ROCK2: variants seen among roughly 807,000 people sequenced by gnomAD.
ROCK2 encodes rho-associated protein kinase 2.
A neutral mutation model predicts 195.1 loss-of-function variants in ROCK2; 61 were observed. The observed-to-expected ratio is 0.31, with a 90% CI of 0.25 to 0.39. The LOEUF is 0.39. Ranked by LOEUF, ROCK2 falls within the 10% of genes least tolerant of loss-of-function variation. The probability of loss-of-function intolerance (pLI) is 1.00; values close to 1 mark genes in which losing one functional copy is unlikely to be tolerated. For synonymous variants in ROCK2, 504 were observed against 545.5 expected, an observed-to-expected ratio of 0.92 and a Z score of 1.06; for missense variants, 1,109 against 1,637.4, an observed-to-expected ratio of 0.68 and a Z score of 5.57.
intron 3 of ROCK2, among the ~76,000 whole-genome samples, chr2:11,274,376 C>CAAA (rs2148171867): frequency 6.6e-6 from 1 of 151,872 alleles, no homozygotes; most frequent in South Asian, 2.1e-4. Flanking sequence ...GCTAGATGGA[C>CAAA]TAATTAAAAA....
intron 3 of ROCK2, among the ~76,000 whole-genome samples, chr2:11,270,184 T>C (rs1481900895): frequency 2.0e-5 from 3 of 152,188 alleles, no homozygotes; most frequent in African/African-American, 7.2e-5. Context: ...CCACTCTTTT[T>C]GCTTGCATGG....
intron 1 of ROCK2, among the ~76,000 whole-genome samples, chr2:11,337,601 T>C (rs1668970981): frequency 6.6e-6 from 1 of 151,850 alleles, no homozygotes; most frequent in African/African-American, 2.4e-5. Context: ...GAGTATAAAA[T>C]GGTATAACTA....
chr2:11,207,201 T>C (rs1664084877), intron 20 of ROCK2, among the ~76,000 whole-genome samples: 1 of 152,210 alleles, frequency 6.6e-6, no homozygotes, highest in Non-Finnish European at 1.5e-5. Flanking sequence ...GTGATTCTCC[T>C]GCCTCAGCTC....
intron 1 of ROCK2, among the ~76,000 whole-genome samples, chr2:11,335,564 A>G (rs978175122): frequency 6.6e-6 from 1 of 152,260 alleles, no homozygotes; most frequent in African/African-American, 2.4e-5. Flanking sequence ...ATTTTCATGA[A>G]GAAATTCAAG....
intron 3 of ROCK2, among the ~76,000 whole-genome samples, chr2:11,263,483 CCTGA>C (rs1041765680): frequency 3.3e-5 from 5 of 151,902 alleles, no homozygotes; most frequent in Admixed American, 1.3e-4. Context: ...AAACTGTGTT[CCTGA>C]CTAAGTAAGA....
chr2:11,291,324 C>T (rs1295246068), intron 1 of ROCK2, among the ~76,000 whole-genome samples: 12 of 152,132 alleles, frequency 7.9e-5, no homozygotes, highest in African/African-American at 1.2e-4. Context: ...CCGAGGCGGG[C>T]GCATCGCCTG....
At chr2:11,322,729 T>C (rs557211792) in intron 1 of ROCK2, among the ~76,000 whole-genome samples, 14 of 152,202 alleles carry the variant, frequency 9.2e-5, no homozygotes, top group Non-Finnish European at 1.3e-4. Context: ...ATTTTATATG[T>C]GGTAGAAAGT....
intron 1 of ROCK2, among the ~76,000 whole-genome samples, chr2:11,310,472 T>A (rs1207645412): frequency 1.3e-5 from 2 of 152,180 alleles, no homozygotes; most frequent in African/African-American, 4.8e-5. Flanking sequence ...ACTGAGAGAA[T>A]TCCTGGCGTA....
At chr2:11,297,526 G>A (rs942297378) in intron 1 of ROCK2, among the ~76,000 whole-genome samples, 5 of 151,690 alleles carry the variant, frequency 3.3e-5, no homozygotes, top group East Asian at 1.9e-4. Context: ...TTCACTATTC[G>A]CCGCCTCCTA....
chr2:11,214,544 CCTT>C (rs1432760049), intron 16 of ROCK2, 81 bp from the exon 17 acceptor site: 1 of 823,450 alleles, frequency 1.2e-6, no homozygotes, highest in Non-Finnish European at 1.9e-6. Flanking sequence ...TTGCAAGCCA[CCTT>C]CTATTTTGGA....
chr2:11,196,662 G>C (rs912505498), intron 27 of ROCK2, among the ~76,000 whole-genome samples: 23 of 152,200 alleles, frequency 1.5e-4, no homozygotes, highest in African/African-American at 4.8e-4. Context: ...AAACTCCAAA[G>C]ATGAGAAGAT....
In ROCK2 at chr2:11,221,372, GAAAT is replaced by G; in HGVS notation, c.1100-19_1100-16del. The G allele has an allele frequency of 6.6e-7, 1 of 1,512,940 alleles. No individual in the cohort carries two copies. The highest frequency in any genetic ancestry group is 8.8e-7 in the Non-Finnish European group (1 of 1,141,280). 93.7% of individuals were successfully genotyped at this position (1,512,940 alleles called of 1,614,324 possible). ...AGGAGCTGCCGCTATTAAAAGAAAA[GAAAT>G]AAATTATTTCATTCACAACCAAAAT... On this transcript the variant is annotated splice_polypyrimidine_tract_variant and intron_variant, in intron 8 of 32. Coordinates refer to ENST00000315872, the MANE Select transcript of ROCK2 (RefSeq NM_004850.5).
intron 3 of ROCK2, among the ~76,000 whole-genome samples, chr2:11,269,633 T>G (rs1666554134): frequency 6.6e-6 from 1 of 152,244 alleles, no homozygotes; most frequent in Non-Finnish European, 1.5e-5. Context: ...TTTTCCTGTT[T>G]CTTCGGATAT....
chr2:11,243,117 G>A (rs1164053868), intron 4 of ROCK2, among the ~76,000 whole-genome samples: 3 of 152,198 alleles, frequency 2.0e-5, no homozygotes, highest in African/African-American at 7.2e-5. Context: ...AGGTTGAGGA[G>A]TCAAGGGAAG....
At chr2:11,218,748 C>A (rs1339454321) in intron 10 of ROCK2, among the ~76,000 whole-genome samples, 1 of 152,162 alleles carries the variant, frequency 6.6e-6, no homozygotes, top group Non-Finnish European at 1.5e-5. Flanking sequence ...AAGCCTAAAG[C>A]CATGTAGAAG....
In ROCK2 at chr2:11,215,416, T is replaced by C; in HGVS notation, c.1598-4A>G. On this transcript the variant is annotated splice_polypyrimidine_tract_variant and splice_region_variant and intron_variant, in intron 14 of 32. Transcript: ENST00000315872. ...AGTTGATCTTTTAAGCTGTTAACTA[T>C]GATAAAAAGCATTTCAGTGGCAAGC... is the stretch of plus-strand genomic sequence containing the variant. 4 of 1,604,136 alleles carry C rather than the reference T, an allele frequency of 2.5e-6. No homozygotes were observed. The highest frequency in any genetic ancestry group is 2.6e-6 in the Non-Finnish European group (3 of 1,175,814).
At chr2:11,338,074 G>C (rs996475083) in intron 1 of ROCK2, among the ~76,000 whole-genome samples, 5 of 152,214 alleles carry the variant, frequency 3.3e-5, no homozygotes, top group African/African-American at 1.2e-4. Flanking sequence ...GCTGGGTGCA[G>C]TGGCTCAGGC....
chr2:11,213,846 TAACTATTC>T (rs1423175551), intron 17 of ROCK2, among the ~76,000 whole-genome samples: 1 of 152,124 alleles, frequency 6.6e-6, no homozygotes, highest in Admixed American at 6.5e-5. Context: ...CTTTTAAACT[TAACTATTC>T]AACTGTGACA....
At chr2:11,326,862 A>G (rs1668564995) in intron 1 of ROCK2, among the ~76,000 whole-genome samples, 1 of 152,190 alleles carries the variant, frequency 6.6e-6, no homozygotes, top group South Asian at 2.1e-4. Context: ...AAGTAACAGG[A>G]AATATAAGGG....
Sources: gnomAD v4.1 joint callset for allele counts (sites outside exome capture counted in the v4.1 genomes callset) on GRCh38, gnomAD v4.1.1 for gene constraint, MANE v1.5 for transcripts, NCBI Gene and HGNC (gene_info 2026-07-23, HGNC 2026-07-21) for gene names.